PCDH9: variants seen among roughly 807,000 people sequenced by gnomAD.
PCDH9 encodes the protein protocadherin 9.
PCDH9 carries 24 observed loss-of-function variants against 70.6 expected under a neutral mutation model. That is an observed-to-expected ratio of 0.34 (90% CI 0.25 to 0.48). PCDH9 has a LOEUF of 0.48. Ranked by LOEUF, PCDH9 falls within the 20% of genes least tolerant of loss-of-function variation. The pLI, the probability that PCDH9 is intolerant of heterozygous loss-of-function variation, is 0.99. For synonymous variants in PCDH9, 562 were observed against 558.5 expected (o/e 1.01, Z -0.09); for missense variants, 1,281 against 1,503.6 (o/e 0.85, Z 2.45).
chr13:66,871,444 G>T (rs527263149), intron 3 of PCDH9, among the ~76,000 whole-genome samples: 2 of 148,786 alleles, frequency 1.3e-5, no homozygotes. Flanking sequence ...AAAAATCAAA[G>T]TCCTGTTCAC....
At chr13:66,691,766 T>G (rs1273394460) in intron 3 of PCDH9, among the ~76,000 whole-genome samples, 1 of 152,198 alleles carries the variant, frequency 6.6e-6, no homozygotes, top group Non-Finnish European at 1.5e-5. Context: ...GCCTTATATT[T>G]GTAAAACTGT....
chr13:66,724,586 C>G (rs1168426829), intron 3 of PCDH9, among the ~76,000 whole-genome samples: 1 of 152,162 alleles, frequency 6.6e-6, no homozygotes, highest in Non-Finnish European at 1.5e-5. Flanking sequence ...AAACCACAAT[C>G]TCTGCAGCCA....
At chr13:66,736,280 G>A (rs1032860000) in intron 3 of PCDH9, among the ~76,000 whole-genome samples, 2 of 152,150 alleles carry the variant, frequency 1.3e-5, no homozygotes, top group African/African-American at 4.8e-5. Context: ...AGGTGATTAA[G>A]TTAGGATGAT....
intron 3 of PCDH9, among the ~76,000 whole-genome samples, chr13:66,878,735 A>C (rs1413214975): frequency 6.6e-6 from 1 of 152,200 alleles, no homozygotes; most frequent in Non-Finnish European, 1.5e-5. Context: ...AGAGAACTCT[A>C]TTTATAAACA....
chr13:66,788,543 C>T (rs1207936579), intron 3 of PCDH9, among the ~76,000 whole-genome samples: 1 of 151,884 alleles, frequency 6.6e-6, no homozygotes, highest in Non-Finnish European at 1.5e-5. Flanking sequence ...CCTATTGTTC[C>T]TAATATTAGG....
intron 3 of PCDH9, among the ~76,000 whole-genome samples, chr13:66,853,590 TA>T (rs2081349503): frequency 6.6e-6 from 1 of 152,188 alleles, no homozygotes; most frequent in African/African-American, 2.4e-5. Flanking sequence ...CCAAAAGTGC[TA>T]TTGGTGTTCT....
chr13:66,946,735 T>C (rs187275874), intron 2 of PCDH9, among the ~76,000 whole-genome samples: 1 of 152,144 alleles, frequency 6.6e-6, no homozygotes, highest in East Asian at 1.9e-4. Context: ...TTTCTGACCA[T>C]ATCACAAATT....
intron 2 of PCDH9, among the ~76,000 whole-genome samples, chr13:67,041,865 C>T (rs1207890600): frequency 6.6e-6 from 1 of 151,672 alleles, no homozygotes; most frequent in East Asian, 1.9e-4. Flanking sequence ...GAAATACTGG[C>T]TATCCCATGT....
chr13:66,865,591 A>T (rs578085031), intron 3 of PCDH9, among the ~76,000 whole-genome samples: 5 of 152,314 alleles, frequency 3.3e-5, no homozygotes, highest in African/African-American at 1.2e-4. Context: ...GATAATTTCC[A>T]GTGGGTCTCT....
chr13:66,684,138 G>A (rs1046391647), intron 3 of PCDH9, among the ~76,000 whole-genome samples: 1 of 152,094 alleles, frequency 6.6e-6, no homozygotes, highest in African/African-American at 2.4e-5. Context: ...GCTGGGAAAT[G>A]TCTGGAGTTA....
chr13:66,813,777 T>G (rs1016572308), intron 3 of PCDH9, among the ~76,000 whole-genome samples: 1 of 152,154 alleles, frequency 6.6e-6, no homozygotes, highest in Non-Finnish European at 1.5e-5. Context: ...CCTTCGAGTA[T>G]TCTTATAGAA....
chr13:66,637,568 G>T (rs1851015109), intron 3 of PCDH9, among the ~76,000 whole-genome samples: 1 of 152,060 alleles, frequency 6.6e-6, no homozygotes, highest in African/African-American at 2.4e-5. Flanking sequence ...TGTTAAAATG[G>T]CTCCACTAAT....
In PCDH9 at chr13:66,903,538, A is replaced by G; in HGVS notation, c.3104T>C (p.Phe1035Ser). 1 of 1,575,630 alleles carries G rather than the reference A, an allele frequency of 6.3e-7. No homozygotes were observed. Among genetic ancestry groups the G allele is most frequent in the Non-Finnish European group, 8.7e-7 (1 of 1,146,244 alleles). The change falls in exon 3 of 5, where the codon TTC becomes TCC. Residue 1035 changes from phenylalanine to serine, a missense_variant. Phe to Ser is a radical substitution (Grantham distance 155). This residue lies in a region of PCDH9 where 264 missense variants were observed against 278.8 expected (regional missense o/e 0.95). Transcript: ENST00000377865. ...TPQKCPSSTG[F>S]HIQENEESHY... The stretch of plus-strand genomic sequence containing the variant: ...GCTTTCTTCATTCTCCTGAATGTGG[A>G]AACCCGTGGAGCTGGGACATTTCTG...
intron 4 of PCDH9, among the ~76,000 whole-genome samples, chr13:66,513,074 C>A (rs1959562947): frequency 6.6e-6 from 1 of 151,998 alleles, no homozygotes; most frequent in Non-Finnish European, 1.5e-5. Context: ...CTGCCTGGAC[C>A]CCCAAAGTTC....
chr13:66,304,538 T>C lies in PCDH9; in HGVS notation c.*117A>G, dbSNP rs188807185. On this transcript the variant is annotated 3_prime_UTR_variant, in exon 5 of 5. Transcript: ENST00000377865. The stretch of plus-strand genomic sequence containing the variant: ...ATTCTCCATGGTGCTAACACAAAGT[T>C]ATAGGTATCCCTGCTAGAAGGGGCA... 3.6e-4 allele frequency: 276 copies of C among 775,544 alleles called. 1 individual carries two copies. The African/African-American group carries it at 4.4e-3, about 12-fold the overall frequency. The allele number at this position is 775,544 out of a possible 1,614,324, so 48.0% of individuals were successfully genotyped here. A position where few individuals can be genotyped will look rare whatever the true frequency, so the allele number is the denominator to read the frequency against.
intron 3 of PCDH9, among the ~76,000 whole-genome samples, chr13:66,883,026 C>A (rs1467381816): frequency 6.6e-6 from 1 of 151,998 alleles, no homozygotes; most frequent in East Asian, 1.9e-4. Flanking sequence ...AAATTAAATA[C>A]TTTTTCTCAT....
intron 4 of PCDH9, among the ~76,000 whole-genome samples, chr13:66,468,907 CA>C (rs1958564424): frequency 6.6e-6 from 1 of 152,000 alleles, no homozygotes; most frequent in South Asian, 2.1e-4. Context: ...AGGCTGCACC[CA>C]AGGAAATGAG....
chr13:67,106,863 A>G (rs1047224900), intron 2 of PCDH9, among the ~76,000 whole-genome samples: 12 of 152,300 alleles, frequency 7.9e-5, no homozygotes, highest in African/African-American at 2.9e-4. Flanking sequence ...GAGCTGTTGC[A>G]ACACAGCCCT....
intron 2 of PCDH9, among the ~76,000 whole-genome samples, chr13:67,118,819 C>A (rs1027537056): frequency 2.6e-5 from 4 of 152,170 alleles, no homozygotes; most frequent in African/African-American, 7.2e-5. Context: ...ATCCTAAATA[C>A]CTTTTCCTAA....
Sources: gnomAD v4.1 joint callset for allele counts (sites outside exome capture counted in the v4.1 genomes callset) on GRCh38, gnomAD v4.1.1 for gene constraint, gnomAD v4.1.1 regional missense constraint, MANE v1.5 for transcripts, NCBI Gene and HGNC (gene_info 2026-07-23, HGNC 2026-07-21) for gene names.